Variants in MOSMO observed in about 807,000 individuals in gnomAD.
MOSMO encodes modulator of smoothened protein.
A neutral mutation model predicts 18.4 loss-of-function variants in MOSMO; 5 were observed. The ratio of observed to expected loss-of-function variants is 0.27; its 90% confidence interval spans 0.14 to 0.57. MOSMO has a LOEUF of 0.57. Among genes scored for constraint, MOSMO ranks in the 20% least tolerant of loss-of-function variants. The pLI is 0.92. For missense variants in MOSMO, 138 were observed against 211.8 expected (o/e 0.65, Z 2.16); for synonymous variants, 82 against 82.3 (o/e 1.00, Z 0.02).
chr16:22,052,341 A>G (rs1005484770), intron 1 of MOSMO, among the ~76,000 whole-genome samples: 2 of 152,220 alleles, frequency 1.3e-5, no homozygotes, highest in African/African-American at 4.8e-5. Flanking sequence ...TAAAATTGCC[A>G]GGCACAGACA....
chr16:22,027,655 C>T (rs1899903447), intron 1 of MOSMO, among the ~76,000 whole-genome samples: 1 of 152,024 alleles, frequency 6.6e-6, no homozygotes, highest in South Asian at 2.1e-4. Context: ...ATCAGAGTGC[C>T]CTTTATTTTA....
intron 1 of MOSMO, among the ~76,000 whole-genome samples, chr16:22,034,922 CG>C (rs1322146616): frequency 6.6e-6 from 1 of 151,426 alleles, no homozygotes; most frequent in East Asian, 1.9e-4. Context: ...TTTGTAGAGA[CG>C]GGGTTTTGTC....
At position 22,075,559 on chromosome 16, in the gene MOSMO, G is replaced by A. The variant is rs776514118; in HGVS notation, c.179G>A (p.Arg60Gln). The change falls in exon 2 of 3, where the codon CGG becomes CAG. Residue 60 changes from arginine to glutamine, a missense_variant. Coordinates refer to ENST00000542527, the MANE Select transcript of MOSMO (RefSeq NM_001164579.2). ...HGRDRTCIPPRLPPEWVTTLF... is the reference protein window; with the variant it reads ...HGRDRTCIPPQLPPEWVTTLF... Reference sequence around the variant, plus strand: ...CGAGACCGGACGTGCATCCCTCCCCGGCTTCCCCCGGAGTGGGTCACCACA... The same window carrying A: ...CGAGACCGGACGTGCATCCCTCCCCAGCTTCCCCCGGAGTGGGTCACCACA... 2.7e-5 allele frequency: 41 copies of A among 1,537,100 alleles called. No homozygotes were observed. The highest frequency in any genetic ancestry group is 2.4e-5 in the South Asian group (2 of 84,060).
At chr16:22,062,224 C>G (rs1365697769) in intron 1 of MOSMO, among the ~76,000 whole-genome samples, 1 of 151,418 alleles carries the variant, frequency 6.6e-6, no homozygotes, top group Non-Finnish European at 1.5e-5. Context: ...TACTATGAGA[C>G]AACAATAAAT....
intron 1 of MOSMO, among the ~76,000 whole-genome samples, chr16:22,071,432 T>G (rs924484296): frequency 1.3e-5 from 2 of 152,224 alleles, no homozygotes; most frequent in African/African-American, 4.8e-5. Flanking sequence ...TTACAGCCCC[T>G]GTGTTACAGA....
chr16:22,011,429 T>C (rs1189757015), intron 1 of MOSMO, among the ~76,000 whole-genome samples: 2 of 152,204 alleles, frequency 1.3e-5, no homozygotes, highest in African/African-American at 4.8e-5. Flanking sequence ...AGTATTGTAA[T>C]GATGGCTTAT....
At chr16:22,051,976 A>G (rs140422988) in intron 1 of MOSMO, among the ~76,000 whole-genome samples, 24 of 152,244 alleles carry the variant, frequency 1.6e-4, no homozygotes, top group African/African-American at 4.3e-4. Context: ...AGAAAAAAAC[A>G]TGGTTTGAGA....
chr16:22,071,345 A>G (rs1310116094), intron 1 of MOSMO, among the ~76,000 whole-genome samples: 1 of 152,156 alleles, frequency 6.6e-6, no homozygotes, highest in Non-Finnish European at 1.5e-5. Context: ...TGTATGGGAA[A>G]ACGCTCTCTC....
chr16:22,070,736 A>G (rs904881245), intron 1 of MOSMO, among the ~76,000 whole-genome samples: 4 of 152,182 alleles, frequency 2.6e-5, no homozygotes, highest in African/African-American at 9.7e-5. Flanking sequence ...AGCAGATAAA[A>G]ATCATCACCA....
rs570130538 is a variant in MOSMO at position 22,031,113 on chromosome 16, G to A, written c.106+22706G>A. ...GAAGGTTAGAAACGACTACATAGAG[G>A]AATGACATCTAAGCCAAGATGTAAA... is the stretch of plus-strand genomic sequence containing the variant. On this transcript the variant is annotated intron_variant, in intron 1 of 2. Transcript: ENST00000542527. 5.9e-5 allele frequency among the ~76,000 whole-genome samples: 9 copies of A among 152,292 alleles called. 2 individuals carry two copies. The South Asian group carries it at 1.9e-3, about 32-fold the overall frequency.
chr16:22,084,534 A>G lies in MOSMO; in HGVS notation c.*3654A>G, dbSNP rs1164876712. 1 of 152,210 alleles carries G rather than the reference A, an allele frequency of 6.6e-6. No homozygotes were observed. Among genetic ancestry groups the G allele is most frequent in the African/African-American group, 2.4e-5 (1 of 41,458 alleles). The allele number at this position is 152,210 out of a possible 1,614,324, so 9.4% of individuals were successfully genotyped here. A position where few individuals can be genotyped will look rare whatever the true frequency, so the allele number is the denominator to read the frequency against. On this transcript the variant is annotated 3_prime_UTR_variant, in exon 3 of 3. Transcript: ENST00000542527. ...TTCTAATTGGTTATAACATTTTTCA[A>G]TTAATAGTTTCAAAACAAATTGTTA...
chr16:22,014,839 T>A (rs1375699705), intron 1 of MOSMO, among the ~76,000 whole-genome samples: 3 of 152,180 alleles, frequency 2.0e-5, no homozygotes, highest in Admixed American at 6.5e-5. Context: ...GGGCAAACAT[T>A]TTGAGATTGT....
chr16:22,067,889 GA>G (rs71151660), intron 1 of MOSMO, among the ~76,000 whole-genome samples: 51,761 of 132,768 alleles, frequency 0.39, 10,393 homozygotes, highest in East Asian at 0.71. Context: ...TAAAAAGAAA[GA>G]AAAAAAAAAA....
At chr16:22,009,070 C>A (rs903860717) in intron 1 of MOSMO, among the ~76,000 whole-genome samples, 1 of 152,186 alleles carries the variant, frequency 6.6e-6, no homozygotes, top group Admixed American at 6.5e-5. Flanking sequence ...CTCTGCACCG[C>A]CGCCCCCGCC....
chr16:22,031,520 A>G (rs1567503389), intron 1 of MOSMO, among the ~76,000 whole-genome samples: 1 of 152,088 alleles, frequency 6.6e-6, no homozygotes, highest in Admixed American at 6.6e-5. Context: ...TTTAGCTAGC[A>G]CCCCTCCAAC....
At chr16:22,009,671 A>T (rs1473415524) in intron 1 of MOSMO, among the ~76,000 whole-genome samples, 1 of 151,820 alleles carries the variant, frequency 6.6e-6, no homozygotes, top group Non-Finnish European at 1.5e-5. Flanking sequence ...AATTTCTTAT[A>T]AAAATGCGGC....
At chr16:22,058,542 A>C (rs1467119985) in intron 1 of MOSMO, among the ~76,000 whole-genome samples, 2 of 152,158 alleles carry the variant, frequency 1.3e-5, no homozygotes, top group African/African-American at 4.8e-5. Flanking sequence ...GATGTTGGAC[A>C]TGTAGACAGA....
chr16:22,032,838 T>A (rs1900024527), intron 1 of MOSMO, among the ~76,000 whole-genome samples: 1 of 152,148 alleles, frequency 6.6e-6, no homozygotes. Context: ...GTGAGCCACC[T>A]TGCTTGGCCT....
chr16:22,084,335 T>C lies in MOSMO; in HGVS notation c.*3455T>C, dbSNP rs973410592. The C allele has an allele frequency of 6.6e-6, 1 of 152,164 alleles. No individual in the cohort carries two copies. The highest frequency in any genetic ancestry group is 2.4e-5 in the African/African-American group (1 of 41,430). 9.4% of individuals were successfully genotyped at this position (152,164 alleles called of 1,614,324 possible). On this transcript the variant is annotated 3_prime_UTR_variant, in exon 3 of 3. Transcript: ENST00000542527. ...TAAAAAATTAAATTTACATTCACAA[T>C]TCAAAACAGTAAGCTGTCTTTCAGA...
Sources: gnomAD v4.1 joint callset for allele counts (sites outside exome capture counted in the v4.1 genomes callset) on GRCh38, gnomAD v4.1.1 for gene constraint, MANE v1.5 for transcripts, NCBI Gene and HGNC (gene_info 2026-07-23, HGNC 2026-07-21) for gene names.